Variants in ST18 observed in about 807,000 individuals in gnomAD.
ST18 encodes suppression of tumorigenicity 18 protein.
A neutral mutation model predicts 110.0 loss-of-function variants in ST18; 50 were observed. The observed-to-expected ratio is 0.45, with a 90% CI of 0.36 to 0.58. The LOEUF (loss-of-function observed/expected upper bound fraction) is 0.58, where lower values mean the gene tolerates loss of function less well. Among genes scored for constraint, ST18 ranks in the 20% least tolerant of loss-of-function variants. The probability of loss-of-function intolerance (pLI) is 0.00; values close to 1 mark genes in which losing one functional copy is unlikely to be tolerated. For missense variants in ST18, 1,306 were observed against 1,280.1 expected, an observed-to-expected ratio of 1.02 and a Z score of -0.31; for synonymous variants, 461 against 452.4, an observed-to-expected ratio of 1.02 and a Z score of -0.24.
intron 2 of ST18, among the ~76,000 whole-genome samples, chr8:52,238,148 C>T (rs952576526): frequency 3.3e-5 from 5 of 152,152 alleles, no homozygotes; most frequent in African/African-American, 9.7e-5. Flanking sequence ...TGAAAAATAG[C>T]TGGCAATTTC....
At chr8:52,118,493 G>T in intron 23 of ST18, 52 bp from the exon 24 acceptor site, 1 of 1,022,786 alleles carries the variant, frequency 9.8e-7, no homozygotes, top group Non-Finnish European at 1.4e-6. Context: ...TAACAAATGA[G>T]TCATTATATG....
At chr8:52,274,667 A>G (rs2095180811) in intron 2 of ST18, among the ~76,000 whole-genome samples, 1 of 152,210 alleles carries the variant, frequency 6.6e-6, no homozygotes, top group Admixed American at 6.5e-5. Flanking sequence ...TCATAGTCAC[A>G]TTGTATTGCA....
intron 2 of ST18, among the ~76,000 whole-genome samples, chr8:52,336,775 C>A (rs1812289979): frequency 6.6e-6 from 1 of 152,132 alleles, no homozygotes; most frequent in African/African-American, 2.4e-5. Context: ...AGGAGCCATG[C>A]TTGTGTCTGT....
chr8:52,138,333 A>G (rs1013101186), intron 17 of ST18, among the ~76,000 whole-genome samples: 1 of 152,192 alleles, frequency 6.6e-6, no homozygotes, highest in Non-Finnish European at 1.5e-5. Flanking sequence ...CTAATTCACC[A>G]TTAGCCTAAG....
intron 2 of ST18, among the ~76,000 whole-genome samples, chr8:52,308,261 G>T (rs2095846159): frequency 6.6e-6 from 1 of 152,242 alleles, no homozygotes; most frequent in Non-Finnish European, 1.5e-5. Flanking sequence ...TGCCTGCACA[G>T]AGCTATGCCA....
chr8:52,212,635 A>G (rs2082625441), intron 7 of ST18, among the ~76,000 whole-genome samples: 1 of 152,194 alleles, frequency 6.6e-6, no homozygotes, highest in African/African-American at 2.4e-5. Context: ...CAGGAAAAAC[A>G]GCTTTGATTT....
intron 2 of ST18, among the ~76,000 whole-genome samples, chr8:52,394,305 A>C (rs561373339): frequency 3.9e-5 from 6 of 152,182 alleles, no homozygotes; most frequent in South Asian, 2.1e-4. Context: ...GCCCTTCCCT[A>C]CTCCAATCTT....
intron 13 of ST18, 125 bp from the exon 14 acceptor site, chr8:52,161,693 A>G (rs2061497678): frequency 7.3e-6 from 8 of 1,103,388 alleles, no homozygotes; most frequent in Non-Finnish European, 1.0e-5. Context: ...ACTGAACAAT[A>G]AGAGAGACGG....
intron 2 of ST18, among the ~76,000 whole-genome samples, chr8:52,371,578 C>A (rs1830281981): frequency 6.6e-6 from 1 of 152,122 alleles, no homozygotes; most frequent in South Asian, 2.1e-4. Flanking sequence ...AAGAAAATAT[C>A]TTTTTCTTGA....
chr8:52,276,473 A>C (rs1378311304), intron 2 of ST18, among the ~76,000 whole-genome samples: 2 of 152,032 alleles, frequency 1.3e-5, no homozygotes, highest in African/African-American at 4.8e-5. Context: ...GAAACCAAAA[A>C]AAGGAAAGTT....
chr8:52,379,780 G>A (rs1833856953), intron 2 of ST18, among the ~76,000 whole-genome samples: 1 of 152,106 alleles, frequency 6.6e-6, no homozygotes, highest in Non-Finnish European at 1.5e-5. Flanking sequence ...TCACAGTTGA[G>A]AGAAATGTAA....
chr8:52,120,386 G>A (rs1044587769), intron 23 of ST18, among the ~76,000 whole-genome samples: 11 of 152,120 alleles, frequency 7.2e-5, no homozygotes, highest in Admixed American at 3.3e-4. Context: ...AATATCTGGT[G>A]AGGCAGACAA....
intron 2 of ST18, among the ~76,000 whole-genome samples, chr8:52,276,329 C>T (rs1338008846): frequency 6.7e-6 from 1 of 148,784 alleles, no homozygotes; most frequent in Non-Finnish European, 1.5e-5. Context: ...CACACCGCAC[C>T]TCACACATAC....
intron 2 of ST18, among the ~76,000 whole-genome samples, chr8:52,368,123 A>T (rs996434405): frequency 2.0e-5 from 3 of 152,100 alleles, no homozygotes; most frequent in African/African-American, 7.2e-5. Context: ...TGGGGGAAAA[A>T]TTCTAACAAG....
chr8:52,136,032 T>C (rs188827439), intron 19 of ST18, among the ~76,000 whole-genome samples: 1 of 152,292 alleles, frequency 6.6e-6, no homozygotes, highest in East Asian at 1.9e-4. Context: ...CGTAATATAA[T>C]AAGATATGAA....
intron 2 of ST18, among the ~76,000 whole-genome samples, chr8:52,315,587 G>A (rs753360075): frequency 6.6e-6 from 1 of 151,902 alleles, no homozygotes; most frequent in Non-Finnish European, 1.5e-5. Flanking sequence ...TTCAGCCATC[G>A]TCCACAAAAA....
At chr8:52,174,452 G>T (rs982621636) in intron 9 of ST18, among the ~76,000 whole-genome samples, 1 of 152,172 alleles carries the variant, frequency 6.6e-6, no homozygotes, top group African/African-American at 2.4e-5. Context: ...GTACGATAAT[G>T]ATTTATAGAC....
intron 23 of ST18, among the ~76,000 whole-genome samples, chr8:52,120,415 T>C (rs1036942562): frequency 6.6e-6 from 1 of 152,228 alleles, no homozygotes; most frequent in African/African-American, 2.4e-5. Flanking sequence ...GAGATGCTTG[T>C]AAAACATGAA....
chr8:52,262,524 A>AT (rs1430575541), intron 2 of ST18, among the ~76,000 whole-genome samples: 1 of 152,356 alleles, frequency 6.6e-6, no homozygotes, highest in Admixed American at 6.5e-5. Flanking sequence ...TGAGTCCTGA[A>AT]TGACTATGTG....
Sources: allele counts gnomAD v4.1 joint callset (sites outside exome capture counted in the v4.1 genomes callset), GRCh38; gene constraint gnomAD v4.1.1; transcripts MANE v1.5; gene names NCBI Gene and HGNC (gene_info 2026-07-23, HGNC 2026-07-21).